TRIM71: variants seen among roughly 807,000 people sequenced by gnomAD.
TRIM71 encodes the protein E3 ubiquitin-protein ligase TRIM71.
TRIM71 carries 9 observed loss-of-function variants against 61.2 expected under a neutral mutation model. The ratio of observed to expected loss-of-function variants is 0.15; its 90% confidence interval spans 0.09 to 0.26. The LOEUF (loss-of-function observed/expected upper bound fraction) is 0.26, where lower values mean the gene tolerates loss of function less well. Among genes scored for constraint, TRIM71 ranks in the 10% least tolerant of loss-of-function variants. The probability of loss-of-function intolerance (pLI) is 1.00; values close to 1 mark genes in which losing one functional copy is unlikely to be tolerated. For synonymous variants in TRIM71, 645 were observed against 553.2 expected (o/e 1.17, Z -2.33); for missense variants, 998 against 1,238.7 (o/e 0.81, Z 2.92).
chr3:32,838,619 G>A (rs1344238312), intron 1 of TRIM71, among the ~76,000 whole-genome samples: 5 of 151,570 alleles, frequency 3.3e-5, no homozygotes, highest in African/African-American at 1.2e-4. Context: ...TCTCCCAGAG[G>A]CAGTTGATAT....
At position 32,824,007 on chromosome 3, in the gene TRIM71, G is replaced by A. The variant is rs571106786; in HGVS notation, c.852+5075G>A. Among the ~76,000 whole-genome samples, 10 of 152,018 alleles carry A rather than the reference G, an allele frequency of 6.6e-5. No homozygotes were observed. The South Asian group carries it at 1.9e-3, about 28-fold the overall frequency. ...GGAGCATTGCTTGAACTGGGGAGGC[G>A]GAGGCCGCAGTGATCCGAGATCGTG... On this transcript the variant is annotated intron_variant, in intron 1 of 3. Coordinates refer to ENST00000383763, the MANE Select transcript of TRIM71 (RefSeq NM_001039111.3).
At chr3:32,819,824 C>G (rs2125672516) in intron 1 of TRIM71, among the ~76,000 whole-genome samples, 1 of 152,358 alleles carries the variant, frequency 6.6e-6, no homozygotes, top group South Asian at 2.1e-4. Flanking sequence ...CAACCAGGGT[C>G]TCGACTTCCT....
chr3:32,864,848 GTGTGTGTGTGTGTGT>G (rs1696714098), intron 1 of TRIM71, among the ~76,000 whole-genome samples: 1 of 2,304 alleles, frequency 4.3e-4, no homozygotes, highest in Non-Finnish European at 1.1e-3. Context: ...ATTAAGTGGT[GTGTGTGTGTGTGTGT>G]GTGTGTGTGT....
chr3:32,836,286 T>C (rs1696332914), intron 1 of TRIM71, among the ~76,000 whole-genome samples: 2 of 151,984 alleles, frequency 1.3e-5, no homozygotes, highest in Non-Finnish European at 1.5e-5. Flanking sequence ...GGTCCTGTTG[T>C]TTTACTCTTC....
intron 1 of TRIM71, among the ~76,000 whole-genome samples, chr3:32,820,682 G>T (rs1186509307): frequency 6.6e-6 from 1 of 152,104 alleles, no homozygotes; most frequent in Admixed American, 6.6e-5. Context: ...TTTTATTTGG[G>T]CTGAAACAGT....
intron 1 of TRIM71, among the ~76,000 whole-genome samples, chr3:32,846,823 A>G (rs954604537): frequency 1.4e-4 from 21 of 152,272 alleles, no homozygotes; most frequent in African/African-American, 5.1e-4. Context: ...CACTTAGCAT[A>G]ATAACCTCCA....
intron 1 of TRIM71, among the ~76,000 whole-genome samples, chr3:32,846,131 AGTGGCGC>A (rs1174641000): frequency 7.3e-6 from 1 of 136,498 alleles, no homozygotes; most frequent in East Asian, 2.1e-4. Context: ...GCTGGAGTGC[AGTGGCGC>A]GATCTTGGCT....
intron 2 of TRIM71, among the ~76,000 whole-genome samples, chr3:32,883,312 G>A (rs56237381): frequency 0.025 from 3,787 of 152,232 alleles, 68 homozygotes; most frequent in Non-Finnish European, 0.035. Flanking sequence ...TAGTTTATCG[G>A]GTCTGTTGTA....
At chr3:32,832,594 A>G (rs1575342695) in intron 1 of TRIM71, among the ~76,000 whole-genome samples, 1 of 152,320 alleles carries the variant, frequency 6.6e-6, no homozygotes, top group East Asian at 1.9e-4. Context: ...AAGAGGTAGA[A>G]GGATTGCTTG....
intron 2 of TRIM71, among the ~76,000 whole-genome samples, chr3:32,876,963 G>C (rs1696857732): frequency 6.6e-6 from 1 of 152,118 alleles, no homozygotes; most frequent in South Asian, 2.1e-4. Flanking sequence ...AATGTTAGTT[G>C]AAAGTGTGTG....
At chr3:32,849,422 G>C (rs912649237) in intron 1 of TRIM71, among the ~76,000 whole-genome samples, 6 of 151,062 alleles carry the variant, frequency 4.0e-5, no homozygotes, top group African/African-American at 7.3e-5. Flanking sequence ...GTAATGGTGC[G>C]ATCTGAGCTC....
chr3:32,864,892 G>C (rs182749940), intron 1 of TRIM71, among the ~76,000 whole-genome samples: 2,496 of 140,566 alleles, frequency 0.018, 63 homozygotes, highest in East Asian at 0.14. Flanking sequence ...GTGTGTGTGT[G>C]TTCACAAAGG....
rs538248957 is a variant in TRIM71, at chr3:32,822,675, T to C, written c.852+3743T>C. 8.5e-5 allele frequency among the ~76,000 whole-genome samples: 13 copies of C among 152,340 alleles called. 1 individual carries two copies. The South Asian group carries it at 2.5e-3, about 29-fold the overall frequency. ...TTATTTTAAATTATATTCATGTTCTTGCATAAATTATAAAATCCATACCAA... is the reference window on the plus strand; with the variant it reads ...TTATTTTAAATTATATTCATGTTCTCGCATAAATTATAAAATCCATACCAA... On this transcript the variant is annotated intron_variant, in intron 1 of 3. Coordinates refer to ENST00000383763, the MANE Select transcript of TRIM71 (RefSeq NM_001039111.3).
chr3:32,833,328 A>C (rs1696296692), intron 1 of TRIM71, among the ~76,000 whole-genome samples: 1 of 152,108 alleles, frequency 6.6e-6, no homozygotes, highest in Non-Finnish European at 1.5e-5. Flanking sequence ...AATTTCTATG[A>C]AAACTGATTT....
At chr3:32,885,905 C>T (rs553586619) in intron 2 of TRIM71, 29 bp from the exon 3 acceptor site, 2 of 1,604,300 alleles carry the variant, frequency 1.2e-6, no homozygotes, top group Non-Finnish European at 8.5e-7. Context: ...CTTCTAATGC[C>T]TCGAAGTTGT....
At chr3:32,834,271 C>G (rs1255875452) in intron 1 of TRIM71, among the ~76,000 whole-genome samples, 1 of 152,184 alleles carries the variant, frequency 6.6e-6, no homozygotes, top group Non-Finnish European at 1.5e-5. Context: ...CAAATCCTGT[C>G]ATAGCAGGAG....
At chr3:32,879,409 C>G (rs7616050) in intron 2 of TRIM71, among the ~76,000 whole-genome samples, 56,829 of 152,028 alleles carry the variant, frequency 0.37, 12,715 homozygotes, top group East Asian at 0.55. Flanking sequence ...TTTCTACTTG[C>G]TTTCTTTACT....
Position 32,877,234 on chromosome 3 carries a change from G to C in TRIM71, c.1020+3249G>C, listed in dbSNP as rs539467604. 2.7e-3 allele frequency among the ~76,000 whole-genome samples: 414 copies of C among 152,184 alleles called. 1 individual carries two copies. Among genetic ancestry groups the C allele is most frequent in the African/African-American group, 9.4e-3 (390 of 41,504 alleles). On this transcript the variant is annotated intron_variant, in intron 2 of 3. Coordinates refer to ENST00000383763, the MANE Select transcript of TRIM71 (RefSeq NM_001039111.3). ...TTCTCCTGCCTCAGCCTCCCGAGTA[G>C]CTGGGGTTACAGGAGCCTGCCACCA...
chr3:32,859,171 T>C (rs1316836309), intron 1 of TRIM71, among the ~76,000 whole-genome samples: 1 of 152,180 alleles, frequency 6.6e-6, no homozygotes, highest in Non-Finnish European at 1.5e-5. Flanking sequence ...GATTTCTGAT[T>C]AACATTCATA....
Sources: allele counts gnomAD v4.1 joint callset (sites outside exome capture counted in the v4.1 genomes callset), GRCh38; gene constraint gnomAD v4.1.1; transcripts MANE v1.5; gene names NCBI Gene and HGNC (gene_info 2026-07-23, HGNC 2026-07-21).